The following SPAG16 variants were observed in gnomAD, a reference collection of about 807,000 sequenced individuals.
SPAG16 encodes sperm-associated antigen 16 protein.
Under a neutral mutation model 80.4 loss-of-function variants are expected in SPAG16, and 86 were observed. The observed-to-expected ratio is 1.07, with a 90% CI of 0.90 to 1.28. The LOEUF (loss-of-function observed/expected upper bound fraction) is 1.28, where lower values mean the gene tolerates loss of function less well. Among genes scored for constraint, SPAG16 ranks in the 50% most tolerant of loss-of-function variants. The probability of loss-of-function intolerance (pLI) is 0.00; values close to 1 mark genes in which losing one functional copy is unlikely to be tolerated. For synonymous variants in SPAG16, 294 were observed against 265.9 expected, an observed-to-expected ratio of 1.11 and a Z score of -1.03; for missense variants, 870 against 765.3, an observed-to-expected ratio of 1.14 and a Z score of -1.61.
chr2:214,242,449 G>A (rs1014925979), intron 15 of SPAG16, among the ~76,000 whole-genome samples: 1 of 152,082 alleles, frequency 6.6e-6, no homozygotes, highest in East Asian at 1.9e-4. Context: ...AGCTTCAGAA[G>A]GTTGTTTTCT....
At chr2:213,469,736 T>C (rs2072967260) in intron 9 of SPAG16, among the ~76,000 whole-genome samples, 1 of 152,100 alleles carries the variant, frequency 6.6e-6, no homozygotes, top group African/African-American at 2.4e-5. Flanking sequence ...GGATCTCCTA[T>C]ATTCCACGTA....
At chr2:214,336,049 G>A (rs111736965) in intron 15 of SPAG16, among the ~76,000 whole-genome samples, 2 of 152,202 alleles carry the variant, frequency 1.3e-5, no homozygotes, top group African/African-American at 4.8e-5. Flanking sequence ...GAGCCACCAC[G>A]CCCAAGCCTA....
At chr2:213,735,350 G>C (rs1379633485) in intron 10 of SPAG16, among the ~76,000 whole-genome samples, 1 of 152,136 alleles carries the variant, frequency 6.6e-6, no homozygotes, top group African/African-American at 2.4e-5. Flanking sequence ...CCGAATTGGT[G>C]AAAGTAATAC....
intron 15 of SPAG16, among the ~76,000 whole-genome samples, chr2:214,397,064 A>G (rs914440885): frequency 2.0e-5 from 3 of 151,938 alleles, no homozygotes; most frequent in African/African-American, 7.2e-5. Context: ...GATTTTGGCA[A>G]GATACTCTAG....
chr2:214,207,037 C>T lies in SPAG16; in HGVS notation c.1720+57771C>T, dbSNP rs376539015. Among the ~76,000 whole-genome samples, 59 of 152,292 alleles carry T rather than the reference C, an allele frequency of 3.9e-4. 2 individuals are homozygous for T. In the South Asian group the frequency reaches 0.012, roughly 32 times the overall value. On this transcript the variant is annotated intron_variant, in intron 15 of 15. Transcript: ENST00000331683. Reference sequence around the variant, plus strand: ...GATCCTAATATAATAGAAAATCAGACTATTAAAGAGGTAGTTTCTTTAGAA... The same window carrying T: ...GATCCTAATATAATAGAAAATCAGATTATTAAAGAGGTAGTTTCTTTAGAA...
chr2:214,076,549 G>C (rs985101131), intron 13 of SPAG16, among the ~76,000 whole-genome samples: 8 of 143,096 alleles, frequency 5.6e-5, no homozygotes, highest in South Asian at 2.2e-4. Flanking sequence ...GTGTCTGTGT[G>C]TGTGTGTGTG....
At chr2:214,223,164 C>G (rs1383693958) in intron 15 of SPAG16, among the ~76,000 whole-genome samples, 1 of 151,934 alleles carries the variant, frequency 6.6e-6, no homozygotes, top group African/African-American at 2.4e-5. Flanking sequence ...CCTGGGGAGA[C>G]TTTATCTCAC....
chr2:213,447,083 A>G (rs113311929), intron 9 of SPAG16, among the ~76,000 whole-genome samples: 9,139 of 152,290 alleles, frequency 0.06, 913 homozygotes, highest in African/African-American at 0.21. Context: ...GTTAACTCAC[A>G]TGTAGTAGTA....
chr2:214,061,648 C>T (rs532991624), intron 13 of SPAG16, among the ~76,000 whole-genome samples: 14 of 152,258 alleles, frequency 9.2e-5, no homozygotes, highest in African/African-American at 3.1e-4. Flanking sequence ...TTACTTACAG[C>T]TACTGATTGC....
intron 13 of SPAG16, among the ~76,000 whole-genome samples, chr2:214,076,236 A>G (rs1241672745): frequency 1.3e-5 from 2 of 152,130 alleles, no homozygotes; most frequent in African/African-American, 4.8e-5. Flanking sequence ...GCTTGTTTAG[A>G]CTGATATTAA....
intron 9 of SPAG16, among the ~76,000 whole-genome samples, chr2:213,462,185 A>G (rs977444193): frequency 1.2e-4 from 18 of 152,302 alleles, no homozygotes; most frequent in Non-Finnish European, 1.6e-4. Flanking sequence ...GACCACTTCT[A>G]CAGAATTGCT....
chr2:214,278,619 C>G (rs116181131), intron 15 of SPAG16, among the ~76,000 whole-genome samples: 1 of 151,990 alleles, frequency 6.6e-6, no homozygotes, highest in African/African-American at 2.4e-5. Flanking sequence ...CTAAGAAGCA[C>G]TATCTTTGAG....
chr2:213,757,819 C>T (rs1228210149), intron 10 of SPAG16, among the ~76,000 whole-genome samples: 1 of 151,974 alleles, frequency 6.6e-6, no homozygotes, highest in African/African-American at 2.4e-5. Context: ...GCAATCTTTG[C>T]TCTGATTGCT....
At chr2:213,830,621 T>C (rs1184356642) in intron 10 of SPAG16, among the ~76,000 whole-genome samples, 1 of 152,196 alleles carries the variant, frequency 6.6e-6, no homozygotes, top group Non-Finnish European at 1.5e-5. Flanking sequence ...ATTATTATTT[T>C]CATGTAAAAT....
chr2:214,045,545 A>C (rs2049270011), intron 13 of SPAG16, among the ~76,000 whole-genome samples: 1 of 152,208 alleles, frequency 6.6e-6, no homozygotes, highest in Non-Finnish European at 1.5e-5. Flanking sequence ...TTCACCTTAG[A>C]TATCACCTCA....
At chr2:214,009,730 G>A (rs997571303) in intron 12 of SPAG16, among the ~76,000 whole-genome samples, 8 of 152,092 alleles carry the variant, frequency 5.3e-5, no homozygotes, top group South Asian at 2.1e-4. Context: ...TACACGTCAG[G>A]GATTGGGTCA....
At chr2:213,814,538 TC>T (rs1416590339) in intron 10 of SPAG16, among the ~76,000 whole-genome samples, 1 of 152,114 alleles carries the variant, frequency 6.6e-6, no homozygotes. Context: ...ATGCCTATAA[TC>T]CCAGTACTTT....
chr2:213,976,109 G>GATATATATATAT (rs1553685173), intron 12 of SPAG16, among the ~76,000 whole-genome samples: 127 of 121,448 alleles, frequency 1.0e-3, no homozygotes, highest in Non-Finnish European at 1.4e-3. Flanking sequence ...CAGTGAGGGA[G>GATATATATATAT]ATATATATAT....
intron 9 of SPAG16, among the ~76,000 whole-genome samples, chr2:213,378,186 A>C (rs573700299): frequency 1.3e-5 from 2 of 152,206 alleles, no homozygotes; most frequent in South Asian, 4.1e-4. Context: ...AGCTGATTAG[A>C]TGTTGCCCAC....
Sources: allele counts gnomAD v4.1 joint callset (sites outside exome capture counted in the v4.1 genomes callset), GRCh38; gene constraint gnomAD v4.1.1; transcripts MANE v1.5; gene names NCBI Gene and HGNC (gene_info 2026-07-23, HGNC 2026-07-21).